EXOC6B: variants seen among roughly 807,000 people sequenced by gnomAD.
EXOC6B encodes the protein exocyst complex component 6B.
In EXOC6B, 54 loss-of-function variants were observed where a neutral mutation model predicts 113.5. That is an observed-to-expected ratio of 0.48 (90% CI 0.38 to 0.60). The LOEUF (loss-of-function observed/expected upper bound fraction) is 0.60. Ranked by LOEUF, EXOC6B falls within the 20% of genes least tolerant of loss-of-function variation. The pLI, the probability that EXOC6B is intolerant of heterozygous loss-of-function variation, is 0.00. For missense variants in EXOC6B, 797 were observed against 977.5 expected, an observed-to-expected ratio of 0.82 and a Z score of 2.46; for synonymous variants, 357 against 339.0, an observed-to-expected ratio of 1.05 and a Z score of -0.58.
chr2:72,664,909 G>A (rs1052407420), intron 6 of EXOC6B, among the ~76,000 whole-genome samples: 1 of 152,234 alleles, frequency 6.6e-6, no homozygotes, highest in Non-Finnish European at 1.5e-5. Context: ...GGGGCCAAAG[G>A]ATGGAGCTGT....
At chr2:72,778,696 A>G (rs1329015927) in intron 1 of EXOC6B, among the ~76,000 whole-genome samples, 1 of 152,170 alleles carries the variant, frequency 6.6e-6, no homozygotes, top group East Asian at 1.9e-4. Flanking sequence ...ACTACAAATC[A>G]TGACTAAGAT....
At chr2:72,675,805 T>C (rs1676255926) in intron 6 of EXOC6B, among the ~76,000 whole-genome samples, 1 of 151,990 alleles carries the variant, frequency 6.6e-6, no homozygotes, top group South Asian at 2.1e-4. Context: ...AAAATCTTTT[T>C]TAAAAAGTTG....
At chr2:72,736,150 A>ACTC (rs1274768753) in intron 2 of EXOC6B, among the ~76,000 whole-genome samples, 2 of 151,802 alleles carry the variant, frequency 1.3e-5, no homozygotes, top group African/African-American at 4.8e-5. Flanking sequence ...ACACCACTGC[A>ACTC]CTCCAGACTG....
chr2:72,259,969 T>C (rs1373152643), intron 20 of EXOC6B, among the ~76,000 whole-genome samples: 1 of 152,090 alleles, frequency 6.6e-6, no homozygotes, highest in Admixed American at 6.6e-5. Flanking sequence ...CGAGGATGAC[T>C]TGAGCCCAGA....
Position 72,500,082 on chromosome 2 carries a change from T to C in EXOC6B, c.1168-110A>G, listed in dbSNP as rs138666481. On this transcript the variant is annotated intron_variant, in intron 11 of 21. Transcript: ENST00000272427. The stretch of plus-strand genomic sequence containing the variant: ...TTTATCTGGCAAATTCTTTACCTGG[T>C]AAATTCTTTCCCTAGAAATAATTCA... The C allele has an allele frequency of 1.1e-3, 798 of 717,276 alleles. 19 individuals carry two copies. In the East Asian group the frequency reaches 0.022, roughly 20 times the overall value. The allele number at this position is 717,276 out of a possible 1,614,324, so 44.4% of individuals were successfully genotyped here.
chr2:72,225,805 C>A (rs1681200705), intron 20 of EXOC6B, among the ~76,000 whole-genome samples: 1 of 152,134 alleles, frequency 6.6e-6, no homozygotes, highest in Non-Finnish European at 1.5e-5. Context: ...ATATAAAGCA[C>A]CTCTTTATTA....
chr2:72,306,136 TAA>T (rs1369850215), intron 20 of EXOC6B, among the ~76,000 whole-genome samples: 2 of 151,938 alleles, frequency 1.3e-5, no homozygotes, highest in African/African-American at 2.4e-5. Context: ...ACATTCACAT[TAA>T]AAAAAGAGAT....
At chr2:72,761,367 A>G (rs1209186214) in intron 1 of EXOC6B, among the ~76,000 whole-genome samples, 1 of 152,190 alleles carries the variant, frequency 6.6e-6, no homozygotes, top group Admixed American at 6.5e-5. Context: ...CCCAATCATC[A>G]CTAAGAAACA....
intron 5 of EXOC6B, among the ~76,000 whole-genome samples, chr2:72,728,403 A>G (rs1680436520): frequency 6.6e-6 from 1 of 152,206 alleles, no homozygotes; most frequent in Non-Finnish European, 1.5e-5. Context: ...TGTGAGTCCA[A>G]GGAGACAAGA....
intron 5 of EXOC6B, among the ~76,000 whole-genome samples, chr2:72,721,416 A>G (rs1196964693): frequency 1.6e-5 from 2 of 126,638 alleles, no homozygotes; most frequent in African/African-American, 5.5e-5. Context: ...CAAAAGAACC[A>G]AAAAGGGCCA....
At chr2:72,728,803 T>C (rs1428751737) in intron 5 of EXOC6B, among the ~76,000 whole-genome samples, 1 of 152,098 alleles carries the variant, frequency 6.6e-6, no homozygotes, top group Non-Finnish European at 1.5e-5. Context: ...TAATATTACC[T>C]TGCACCAAAG....
intron 17 of EXOC6B, among the ~76,000 whole-genome samples, chr2:72,466,614 G>A (rs937439456): frequency 6.6e-6 from 1 of 152,042 alleles, no homozygotes; most frequent in Admixed American, 6.6e-5. Flanking sequence ...CATAGTTGGT[G>A]ACTATGTTTA....
intron 1 of EXOC6B, among the ~76,000 whole-genome samples, chr2:72,813,243 C>A (rs1686022614): frequency 1.3e-5 from 2 of 151,980 alleles, no homozygotes; most frequent in South Asian, 4.1e-4. Context: ...GTGCATGCCA[C>A]GATGCCCAGC....
At chr2:72,207,047 T>C (rs1679883223) in intron 20 of EXOC6B, among the ~76,000 whole-genome samples, 1 of 152,224 alleles carries the variant, frequency 6.6e-6, no homozygotes, top group Non-Finnish European at 1.5e-5. Context: ...GAGCAAATTA[T>C]AGATACTGTC....
intron 8 of EXOC6B, among the ~76,000 whole-genome samples, chr2:72,555,165 T>G (rs572275418): frequency 2.6e-5 from 4 of 152,340 alleles, no homozygotes; most frequent in Admixed American, 2.6e-4. Flanking sequence ...TTGATGGACA[T>G]TTGGGTTGTT....
In EXOC6B at chr2:72,521,222, G is replaced by A. The variant is rs115691148; in HGVS notation, c.916-6096C>T. Among the ~76,000 whole-genome samples, 749 of 152,230 alleles carry A rather than the reference G, an allele frequency of 4.9e-3. 11 individuals carry two copies. Among genetic ancestry groups the A allele is most frequent in the African/African-American group, 0.017 (696 of 41,536 alleles). On this transcript the variant is annotated intron_variant, in intron 8 of 21. Coordinates refer to ENST00000272427, the MANE Select transcript of EXOC6B (RefSeq NM_015189.3). ...CCTCCCCTCCATTCCTCCCTCTGGA[G>A]GATAAGGCAATAAGTTGTCATCTAG...
Position 72,665,561 on chromosome 2 carries a change from A to G in EXOC6B, c.669+52542T>C, listed in dbSNP as rs1368857610. On this transcript the variant is annotated intron_variant, in intron 6 of 21. Coordinates refer to ENST00000272427, the MANE Select transcript of EXOC6B (RefSeq NM_015189.3). ...GGCCTATTTTCAGTGTCCTTAAAGAAAAGAAATTCCAACTAAGAATTTAAC... is the reference window on the plus strand; with the variant it reads ...GGCCTATTTTCAGTGTCCTTAAAGAGAAGAAATTCCAACTAAGAATTTAAC... 2.0e-5 allele frequency among the ~76,000 whole-genome samples: 3 copies of G among 152,166 alleles called. No homozygotes were observed. In the East Asian group the frequency reaches 5.8e-4, roughly 29 times the overall value.
At chr2:72,380,005 T>C in intron 18 of EXOC6B, 135 bp from the exon 19 acceptor site, 1 of 744,794 alleles carries the variant, frequency 1.3e-6, no homozygotes, top group South Asian at 2.9e-5. Context: ...TACCCTTCCA[T>C]TCAAATAATC....
Position 72,796,687 on chromosome 2 carries a change from T to TA in EXOC6B, c.113+29110dup, listed in dbSNP as rs879442616. On this transcript the variant is annotated intron_variant, in intron 1 of 21. Transcript: ENST00000272427. ...ACAGCTCTTGTTTAGAATCCTAATT[T>TA]AAAAAAAAAAAAATCTTCCTATCCC... Among the ~76,000 whole-genome samples, 980 of 146,344 alleles carry TA rather than the reference T, an allele frequency of 6.7e-3. 3 individuals carry two copies. Among genetic ancestry groups the TA allele is most frequent in the African/African-American group, 0.016 (653 of 40,106 alleles).
Sources: allele counts gnomAD v4.1 joint callset (sites outside exome capture counted in the v4.1 genomes callset), GRCh38; gene constraint gnomAD v4.1.1; transcripts MANE v1.5; gene names NCBI Gene and HGNC (gene_info 2026-07-23, HGNC 2026-07-21).